The following PCCA variants were observed in gnomAD, a reference collection of about 807,000 sequenced individuals.
The protein encoded by PCCA is propionyl-CoA carboxylase alpha chain, mitochondrial.
PCCA carries 74 observed loss-of-function variants against 101.3 expected under a neutral mutation model. The observed-to-expected ratio is 0.73, with a 90% CI of 0.61 to 0.89. The LOEUF (loss-of-function observed/expected upper bound fraction) is 0.89, where lower values mean the gene tolerates loss of function less well. PCCA is among the 40% of genes least tolerant of loss of function. The probability of loss-of-function intolerance (pLI) is 0.00; values close to 1 mark genes in which losing one functional copy is unlikely to be tolerated. For missense variants in PCCA, 891 were observed against 907.0 expected (o/e 0.98, Z 0.23); for synonymous variants, 294 against 313.6 (o/e 0.94, Z 0.66).
rs138688328 is a variant in PCCA at position 100,104,190 on chromosome 13, G to A, written c.183+1230G>A. ...AGGAATGATTATTTGAGAATGACAT[G>A]TCTGAGGTATCTTCTGAATCATGTG... On this transcript the variant is annotated intron_variant, in intron 2 of 23. Transcript: ENST00000376285. Among the ~76,000 whole-genome samples, 1,519 of 152,332 alleles carry A rather than the reference G, an allele frequency of 1.0e-2. 11 individuals are homozygous for A. The highest frequency in any genetic ancestry group is 0.044 in the Middle Eastern group (13 of 294).
At chr13:100,274,925 T>C (rs1441788344) in intron 12 of PCCA, among the ~76,000 whole-genome samples, 1 of 151,374 alleles carries the variant, frequency 6.6e-6, no homozygotes, top group African/African-American at 2.4e-5. Flanking sequence ...TGCCTAGGAC[T>C]GGGGTGGGTG....
chr13:100,360,180 T>C (rs1035385627), intron 18 of PCCA, among the ~76,000 whole-genome samples: 1 of 151,994 alleles, frequency 6.6e-6, no homozygotes, highest in African/African-American at 2.4e-5. Flanking sequence ...CCCCCCTTTT[T>C]TTTTTCTTTA....
intron 18 of PCCA, among the ~76,000 whole-genome samples, chr13:100,340,513 C>T (rs903305087): frequency 2.0e-5 from 3 of 151,994 alleles, no homozygotes; most frequent in Admixed American, 6.6e-5. Context: ...GTCTGAAATC[C>T]GATGGGAAAT....
chr13:100,404,283 A>G (rs1331397855), intron 19 of PCCA, among the ~76,000 whole-genome samples: 1 of 152,196 alleles, frequency 6.6e-6, no homozygotes, highest in Non-Finnish European at 1.5e-5. Context: ...GGAAAACTTC[A>G]CACTTTTGCT....
In PCCA at chr13:100,356,521, T is replaced by C. The variant is rs980053579; in HGVS notation, c.1644-11951T>C. On this transcript the variant is annotated intron_variant, in intron 18 of 23. Transcript: ENST00000376285. ...AAAGATGCTCTGTATCATTAGTTGA[T>C]AGGAAAATGTAAGTCATAACCACAA... is the stretch of plus-strand genomic sequence containing the variant. 2.8e-4 allele frequency among the ~76,000 whole-genome samples: 43 copies of C among 152,176 alleles called. 1 individual carries two copies. Among genetic ancestry groups the C allele is most frequent in the South Asian group, 2.1e-4 (1 of 4,822 alleles).
At chr13:100,369,379 CAA>C (rs1450448639) in intron 19 of PCCA, among the ~76,000 whole-genome samples, 1 of 152,094 alleles carries the variant, frequency 6.6e-6, no homozygotes, top group African/African-American at 2.4e-5. Flanking sequence ...AACATCAAAA[CAA>C]TATAATTTCA....
chr13:100,159,467 G>T (rs529282883), intron 6 of PCCA, among the ~76,000 whole-genome samples: 1 of 152,076 alleles, frequency 6.6e-6, no homozygotes, highest in African/African-American at 2.4e-5. Flanking sequence ...TGGTTCCCGC[G>T]CAGAATGCTG....
intron 21 of PCCA, among the ~76,000 whole-genome samples, chr13:100,456,403 C>T (rs1003520279): frequency 1.3e-5 from 2 of 152,146 alleles, no homozygotes; most frequent in African/African-American, 4.8e-5. Flanking sequence ...AGCGGGTGTT[C>T]TCCCGGTGTG....
At chr13:100,524,447 TCTCA>T (rs1257333304) in intron 22 of PCCA, among the ~76,000 whole-genome samples, 1 of 151,220 alleles carries the variant, frequency 6.6e-6, no homozygotes, top group African/African-American at 2.4e-5. Flanking sequence ...GCAAGATGTA[TCTCA>T]CTATTTTGTA....
intron 21 of PCCA, among the ~76,000 whole-genome samples, chr13:100,484,728 A>C (rs2084233045): frequency 6.6e-6 from 1 of 152,186 alleles, no homozygotes; most frequent in Non-Finnish European, 1.5e-5. Context: ...GAAAGAAACC[A>C]TTGTTTTTTC....
chr13:100,313,347 A>G (rs1360696616), intron 16 of PCCA, among the ~76,000 whole-genome samples: 1 of 152,220 alleles, frequency 6.6e-6, no homozygotes, highest in East Asian at 1.9e-4. Context: ...AGTTTAATAA[A>G]CACAGGGCTG....
At chr13:100,317,627 C>G (rs2067507188) in intron 16 of PCCA, among the ~76,000 whole-genome samples, 1 of 152,148 alleles carries the variant, frequency 6.6e-6, no homozygotes, top group Non-Finnish European at 1.5e-5. Context: ...CACTCTGTCA[C>G]TTAGGCTGGA....
rs114938325 is a variant in PCCA at position 100,208,977 on chromosome 13, A to G, written c.469-355A>G. On this transcript the variant is annotated intron_variant, in intron 6 of 23. Transcript: ENST00000376285. ...TATACTAGGCATTATGCTGCAGGCT[A>G]TTGAGAACACAGAGATTTATAAGGT... Among the ~76,000 whole-genome samples, 628 of 152,300 alleles carry G rather than the reference A, an allele frequency of 4.1e-3. 11 individuals are homozygous for G. The highest frequency in any genetic ancestry group is 0.014 in the African/African-American group (601 of 41,564).
intron 19 of PCCA, among the ~76,000 whole-genome samples, chr13:100,418,703 G>A (rs1320730512): frequency 6.6e-6 from 1 of 151,900 alleles, no homozygotes; most frequent in Non-Finnish European, 1.5e-5. Context: ...GCATGGTGGT[G>A]TACACCTGTA....
rs1406712609 is a variant in PCCA at position 100,527,762 on chromosome 13, T to TAAGTCCCC, written c.2118+12_2118+19dup. 3 of 1,596,890 alleles carry TAAGTCCCC rather than the reference T, an allele frequency of 1.9e-6. No homozygotes were observed. The African/African-American group carries it at 4.0e-5, about 21-fold the overall frequency. Reference sequence around the variant, plus strand: ...TGGGAAAACTGGCACGGTGAGTCCCTAAGTCCCCATCAGCCCAGGCCGGCC... The same window carrying TAAGTCCCC: ...TGGGAAAACTGGCACGGTGAGTCCCTAAGTCCCCAAGTCCCCATCAGCCCAGGCCGGCC... On this transcript the variant is annotated intron_variant, in intron 23 of 23. Transcript: ENST00000376285.
At chr13:100,233,508 T>C (rs2060612316) in intron 7 of PCCA, among the ~76,000 whole-genome samples, 1 of 152,214 alleles carries the variant, frequency 6.6e-6, no homozygotes, top group Non-Finnish European at 1.5e-5. Context: ...GTGATGTCAC[T>C]TAGTGCCATT....
At chr13:100,371,270 C>T (rs540332431) in intron 19 of PCCA, among the ~76,000 whole-genome samples, 43 of 152,166 alleles carry the variant, frequency 2.8e-4, no homozygotes, top group African/African-American at 1.0e-3. Context: ...TACTTAATGG[C>T]ACCATTTATG....
chr13:100,350,413 C>T (rs1477411330), intron 18 of PCCA, among the ~76,000 whole-genome samples: 1 of 152,246 alleles, frequency 6.6e-6, no homozygotes, highest in East Asian at 1.9e-4. Context: ...GAAATAGCTA[C>T]GTTCATTTGA....
intron 6 of PCCA, among the ~76,000 whole-genome samples, chr13:100,164,367 G>A (rs763244970): frequency 3.9e-4 from 60 of 152,282 alleles, no homozygotes; most frequent in Non-Finnish European, 6.6e-4. Context: ...ATAGGAGAGT[G>A]GCAGTGGTAG....
Sources: allele counts gnomAD v4.1 joint callset (sites outside exome capture counted in the v4.1 genomes callset), GRCh38; gene constraint gnomAD v4.1.1; transcripts MANE v1.5; gene names NCBI Gene and HGNC (gene_info 2026-07-23, HGNC 2026-07-21).